AGBL4: variants seen among roughly 807,000 people sequenced by gnomAD.
AGBL4 encodes cytosolic carboxypeptidase 6.
AGBL4 carries 58 observed loss-of-function variants against 66.4 expected under a neutral mutation model. The ratio of observed to expected loss-of-function variants is 0.87; its 90% CI spans 0.71 to 1.09. AGBL4 has a LOEUF of 1.09. AGBL4 is among the 50% of genes least tolerant of loss of function. The pLI, the probability that AGBL4 is intolerant of heterozygous loss-of-function variation, is 0.00. For synonymous variants in AGBL4, 234 were observed against 222.9 expected, an observed-to-expected ratio of 1.05 and a Z score of -0.44; for missense variants, 579 against 631.0, an observed-to-expected ratio of 0.92 and a Z score of 0.88.
At chr1:49,024,323 A>G (rs1393282375) in intron 5 of AGBL4, among the ~76,000 whole-genome samples, 1 of 152,080 alleles carries the variant, frequency 6.6e-6, no homozygotes, top group Non-Finnish European at 1.5e-5. Context: ...TGTCTTTCCA[A>G]TCTTTACTCT....
At chr1:49,790,811 G>A (rs1256747595) in intron 2 of AGBL4, among the ~76,000 whole-genome samples, 1 of 152,132 alleles carries the variant, frequency 6.6e-6, no homozygotes, top group African/African-American at 2.4e-5. Flanking sequence ...GGAAAGCCAG[G>A]TGAAAACCTG....
chr1:49,562,181 T>C (rs1008973839), intron 3 of AGBL4, among the ~76,000 whole-genome samples: 1 of 152,178 alleles, frequency 6.6e-6, no homozygotes, highest in Non-Finnish European at 1.5e-5. Context: ...TAAATGTGTT[T>C]GAGTTCATTG....
At chr1:48,706,202 A>G (rs1213918074) in intron 6 of AGBL4, among the ~76,000 whole-genome samples, 1 of 152,098 alleles carries the variant, frequency 6.6e-6, no homozygotes, top group Non-Finnish European at 1.5e-5. Context: ...TAACTTATGG[A>G]CCTATATTAT....
chr1:49,074,128 G>C (rs775139797), intron 4 of AGBL4, among the ~76,000 whole-genome samples: 1 of 152,146 alleles, frequency 6.6e-6, no homozygotes, highest in Admixed American at 6.5e-5. Context: ...AGACTGCCGC[G>C]CTCACAGCAA....
chr1:49,523,322 C>T (rs1650410685), intron 3 of AGBL4, among the ~76,000 whole-genome samples: 1 of 152,042 alleles, frequency 6.6e-6, no homozygotes, highest in South Asian at 2.1e-4. Flanking sequence ...AGTTATGTTT[C>T]CACCATTTAC....
chr1:49,044,670 A>T (rs949297406), intron 5 of AGBL4, among the ~76,000 whole-genome samples: 16 of 152,184 alleles, frequency 1.1e-4, no homozygotes, highest in Non-Finnish European at 1.2e-4. Context: ...AACCTGGATT[A>T]TCTGGGTAAA....
chr1:49,992,229 G>A (rs1057170230), intron 1 of AGBL4, among the ~76,000 whole-genome samples: 3 of 151,958 alleles, frequency 2.0e-5, no homozygotes, highest in East Asian at 1.9e-4. Context: ...AAAATTAGCC[G>A]GGCATGGTAG....
intron 4 of AGBL4, among the ~76,000 whole-genome samples, chr1:49,113,952 G>A (rs1645465800): frequency 6.6e-6 from 1 of 150,888 alleles, no homozygotes; most frequent in Non-Finnish European, 1.5e-5. Flanking sequence ...AGCACAAACA[G>A]AGGATATTTT....
chr1:48,648,313 G>T (rs1645871661), intron 8 of AGBL4, among the ~76,000 whole-genome samples: 1 of 152,174 alleles, frequency 6.6e-6, no homozygotes, highest in Non-Finnish European at 1.5e-5. Flanking sequence ...GAATCATACA[G>T]TCTTTGTCTT....
At chr1:48,564,623 CA>C (rs1189450278) in intron 11 of AGBL4, among the ~76,000 whole-genome samples, 2 of 152,128 alleles carry the variant, frequency 1.3e-5, no homozygotes, top group African/African-American at 4.8e-5. Flanking sequence ...GCATGTATAC[CA>C]GTATCACAAA....
At chr1:49,778,041 T>C (rs1438109945) in intron 2 of AGBL4, among the ~76,000 whole-genome samples, 1 of 152,096 alleles carries the variant, frequency 6.6e-6, no homozygotes, top group African/African-American at 2.4e-5. Flanking sequence ...ATCATCAGCA[T>C]TTCTCATTTT....
chr1:48,735,206 C>T (rs1306927780), intron 6 of AGBL4, among the ~76,000 whole-genome samples: 1 of 152,214 alleles, frequency 6.6e-6, no homozygotes, highest in African/African-American at 2.4e-5. Flanking sequence ...CTACTTTATT[C>T]TCTTTGCTCC....
intron 4 of AGBL4, among the ~76,000 whole-genome samples, chr1:49,215,666 C>A (rs144360469): frequency 1.3e-5 from 2 of 152,042 alleles, no homozygotes; most frequent in African/African-American, 2.4e-5. Flanking sequence ...CAGACAGGTA[C>A]CCCTCTTTGC....
intron 3 of AGBL4, among the ~76,000 whole-genome samples, chr1:49,402,963 C>A (rs895181947): frequency 2.0e-5 from 3 of 152,158 alleles, no homozygotes; most frequent in Non-Finnish European, 2.9e-5. Context: ...GTGTATTCTG[C>A]CATCATTAAA....
At chr1:49,347,377 C>T (rs1388408598) in intron 3 of AGBL4, among the ~76,000 whole-genome samples, 1 of 151,342 alleles carries the variant, frequency 6.6e-6, no homozygotes, top group Non-Finnish European at 1.5e-5. Flanking sequence ...TCAGCCTCCC[C>T]AGTAGCTGGG....
At chr1:48,791,813 T>TA (rs1161952858) in intron 6 of AGBL4, among the ~76,000 whole-genome samples, 2 of 152,086 alleles carry the variant, frequency 1.3e-5, no homozygotes, top group African/African-American at 4.8e-5. Flanking sequence ...TCATAAAACA[T>TA]AAAAAAAAGT....
chr1:49,608,835 T>A (rs939396481), intron 3 of AGBL4, among the ~76,000 whole-genome samples: 1 of 152,100 alleles, frequency 6.6e-6, no homozygotes, highest in Non-Finnish European at 1.5e-5. Context: ...TTATTGAAAA[T>A]CTACAGTGTG....
At chr1:49,312,866 A>G (rs1348726856) in intron 3 of AGBL4, among the ~76,000 whole-genome samples, 3 of 152,084 alleles carry the variant, frequency 2.0e-5, no homozygotes, top group Admixed American at 2.0e-4. Context: ...ATTTTAATTC[A>G]TTTCTTTTTT....
At chr1:49,063,315 G>A (rs898411008) in intron 4 of AGBL4, among the ~76,000 whole-genome samples, 2 of 152,162 alleles carry the variant, frequency 1.3e-5, no homozygotes, top group African/African-American at 4.8e-5. Flanking sequence ...AGAAAGCTAG[G>A]AGAGAAGCAC....
Sources: gnomAD v4.1 joint callset for allele counts (sites outside exome capture counted in the v4.1 genomes callset) on GRCh38, gnomAD v4.1.1 for gene constraint, MANE v1.5 for transcripts, NCBI Gene and HGNC (gene_info 2026-07-23, HGNC 2026-07-21) for gene names.